Variants in PRKG1 observed in about 807,000 individuals in gnomAD.
PRKG1 encodes cGMP-dependent protein kinase 1.
In PRKG1, 35 loss-of-function variants were observed where a neutral mutation model predicts 88.1. That is an observed-to-expected ratio of 0.40 (90% CI 0.30 to 0.53). The LOEUF is 0.53. PRKG1 is among the 20% of genes least tolerant of loss of function. PRKG1 has a pLI of 0.59. For missense variants in PRKG1, 540 were observed against 839.8 expected (o/e 0.64, Z 4.41); for synonymous variants, 303 against 292.5 (o/e 1.04, Z -0.37).
At position 51,903,505 on chromosome 10, in the gene PRKG1, G is replaced by A. The variant is rs148421663; in HGVS notation, c.699-4002G>A. 8.0e-3 allele frequency among the ~76,000 whole-genome samples: 1,212 copies of A among 152,084 alleles called. 17 individuals are homozygous for A. Among genetic ancestry groups the A allele is most frequent in the African/African-American group, 0.025 (1,049 of 41,510 alleles). On this transcript the variant is annotated intron_variant, in intron 4 of 17. Transcript: ENST00000373980. ...TTCATTCAAAAATAACTGTATATCC[G>A]TTAATCTATGCACACACACAGAAGA...
At chr10:51,471,750 C>G (rs1025970643) in intron 3 of PRKG1, among the ~76,000 whole-genome samples, 1 of 151,882 alleles carries the variant, frequency 6.6e-6, no homozygotes, top group African/African-American at 2.4e-5. Context: ...CTCTCAGTGC[C>G]TCCAGACCTT....
At chr10:51,397,237 A>G (rs1783107449) in intron 2 of PRKG1, among the ~76,000 whole-genome samples, 1 of 151,740 alleles carries the variant, frequency 6.6e-6, no homozygotes, top group South Asian at 2.1e-4. Context: ...GAATTTAATC[A>G]GAGATTCAGA....
At chr10:51,462,942 A>T (rs1373859052) in intron 2 of PRKG1, among the ~76,000 whole-genome samples, 1 of 152,178 alleles carries the variant, frequency 6.6e-6, no homozygotes, top group Non-Finnish European at 1.5e-5. Flanking sequence ...AAATAGTAAA[A>T]TGCACAGAAG....
chr10:51,766,279 A>C (rs1378276502), intron 3 of PRKG1, among the ~76,000 whole-genome samples: 1 of 152,178 alleles, frequency 6.6e-6, no homozygotes. Flanking sequence ...TGCATAAGGC[A>C]CACATTTCTG....
chr10:52,098,992 A>G (rs1309439793), intron 7 of PRKG1, among the ~76,000 whole-genome samples: 1 of 152,200 alleles, frequency 6.6e-6, no homozygotes, highest in Non-Finnish European at 1.5e-5. Context: ...TACCAGAGAA[A>G]TTTAACAACA....
chr10:51,856,590 A>G (rs1324499685), intron 4 of PRKG1, among the ~76,000 whole-genome samples: 1 of 152,158 alleles, frequency 6.6e-6, no homozygotes, highest in African/African-American at 2.4e-5. Context: ...AAGAGAACCC[A>G]CTTCATAAGG....
intron 2 of PRKG1, among the ~76,000 whole-genome samples, chr10:51,408,100 C>T (rs1275480355): frequency 6.6e-6 from 1 of 152,196 alleles, no homozygotes; most frequent in Non-Finnish European, 1.5e-5. Flanking sequence ...AGTGGTGCCA[C>T]TTCCACTTCC....
At chr10:52,002,609 T>C (rs896058020) in intron 5 of PRKG1, among the ~76,000 whole-genome samples, 10 of 152,198 alleles carry the variant, frequency 6.6e-5, no homozygotes, top group Non-Finnish European at 1.0e-4. Flanking sequence ...AATCTATCCC[T>C]GAGTTTTTAT....
intron 3 of PRKG1, among the ~76,000 whole-genome samples, chr10:51,719,680 C>G (rs534020689): frequency 4.1e-4 from 63 of 152,146 alleles, no homozygotes; most frequent in African/African-American, 1.4e-3. Context: ...ATAGATGTAC[C>G]CATTTTTCAG....
At chr10:51,789,465 A>G (rs1028004405) in intron 3 of PRKG1, among the ~76,000 whole-genome samples, 1 of 152,164 alleles carries the variant, frequency 6.6e-6, no homozygotes. Flanking sequence ...AATGGATCTC[A>G]TTAGTCAATG....
At chr10:52,220,727 G>C (rs1432903316) in intron 9 of PRKG1, among the ~76,000 whole-genome samples, 1 of 151,962 alleles carries the variant, frequency 6.6e-6, no homozygotes, top group African/African-American at 2.4e-5. Context: ...CTCCACCCAT[G>C]TTCCTGCAGA....
intron 4 of PRKG1, among the ~76,000 whole-genome samples, chr10:51,843,251 A>G (rs1937699): frequency 0.24 from 36,087 of 151,854 alleles, 5,321 homozygotes; most frequent in Admixed American, 0.32. Flanking sequence ...TTATAAGAAT[A>G]ATTTGTTTTA....
At position 52,062,574 on chromosome 10, in the gene PRKG1, C is replaced by G. The variant is rs1410357610; in HGVS notation, c.878C>G (p.Pro293Arg). 6.2e-7 allele frequency: 1 copy of G among 1,607,272 alleles called. No individual in the cohort carries two copies. The change falls in exon 7 of 18, where the codon CCA becomes CGA. Residue 293 changes from proline to arginine, a missense_variant. This residue lies in a region of PRKG1 where 400 missense variants were observed against 562.7 expected (regional missense o/e 0.71). Transcript: ENST00000373980. The stretch of plus-strand genomic sequence containing the variant: ...CGTGAAGACTCACCGAGTGAAGACC[C>G]AGTCTTTCTTAGAACTTTAGGAAAA... ...VTREDSPSED[P>R]VFLRTLGKGD...
chr10:52,290,176 C>A, intron 16 of PRKG1, 48 bp from the exon 17 acceptor site: 1 of 1,547,986 alleles, frequency 6.5e-7, no homozygotes, highest in Non-Finnish European at 8.9e-7. Flanking sequence ...CAATGAGAAG[C>A]TTTTAGCTGA....
chr10:51,215,729 C>A (rs1271002754), intron 2 of PRKG1, among the ~76,000 whole-genome samples: 1 of 152,200 alleles, frequency 6.6e-6, no homozygotes, highest in African/African-American at 2.4e-5. Flanking sequence ...CCTTCCACTT[C>A]TTTCTTTCAC....
At chr10:52,039,914 C>T (rs185815072) in intron 5 of PRKG1, among the ~76,000 whole-genome samples, 1 of 152,096 alleles carries the variant, frequency 6.6e-6, no homozygotes, top group Admixed American at 6.5e-5. Context: ...AAAAAGGGGG[C>T]AAAATCCTAA....
intron 2 of PRKG1, among the ~76,000 whole-genome samples, chr10:51,208,399 T>C (rs762830849): frequency 1.3e-5 from 2 of 152,210 alleles, no homozygotes; most frequent in African/African-American, 2.4e-5. Context: ...GGATTCATAC[T>C]GCATAATATT....
chr10:51,231,156 C>T (rs1394841729), intron 2 of PRKG1, among the ~76,000 whole-genome samples: 1 of 152,164 alleles, frequency 6.6e-6, no homozygotes, highest in Non-Finnish European at 1.5e-5. Context: ...GCCTAGATTA[C>T]AGCAAACATG....
upstream of PRKG1, chr10:51,074,251 C>G (rs1461308813): frequency 7.9e-6 from 2 of 252,098 alleles, no homozygotes; most frequent in African/African-American, 4.5e-5. Context: ...CCATTCACGT[C>G]CCCTCCTCCC....
Sources: gnomAD v4.1 joint callset for allele counts (sites outside exome capture counted in the v4.1 genomes callset) on GRCh38, gnomAD v4.1.1 for gene constraint, gnomAD v4.1.1 regional missense constraint, MANE v1.5 for transcripts, NCBI Gene and HGNC (gene_info 2026-07-23, HGNC 2026-07-21) for gene names.